ELMO1: variants seen among roughly 807,000 people sequenced by gnomAD.
ELMO1 encodes the protein engulfment and cell motility 1.
A neutral mutation model predicts 98.9 loss-of-function variants in ELMO1; 26 were observed. The observed-to-expected ratio is 0.26, with a 90% CI of 0.19 to 0.36. The LOEUF (loss-of-function observed/expected upper bound fraction) is 0.36, where lower values mean the gene tolerates loss of function less well. Among genes scored for constraint, ELMO1 ranks in the 10% least tolerant of loss-of-function variants. ELMO1 has a pLI of 1.00. For missense variants in ELMO1, 627 were observed against 935.2 expected, an observed-to-expected ratio of 0.67 and a Z score of 4.30; for synonymous variants, 346 against 346.0, an observed-to-expected ratio of 1.00 and a Z score of 0.00.
At chr7:37,102,200 C>T (rs376008402) in intron 14 of ELMO1, among the ~76,000 whole-genome samples, 15 of 152,196 alleles carry the variant, frequency 9.9e-5, no homozygotes, top group South Asian at 8.3e-4. Context: ...TATGGAGACT[C>T]GGGAGTCACT....
At chr7:37,336,020 A>G (rs914748047) in intron 2 of ELMO1, among the ~76,000 whole-genome samples, 1 of 152,116 alleles carries the variant, frequency 6.6e-6, no homozygotes, top group Non-Finnish European at 1.5e-5. Context: ...TAAGTCCAGG[A>G]GTTTGAGACC....
intron 12 of ELMO1, 42 bp from the exon 13 acceptor site, chr7:37,211,559 G>C: frequency 1.2e-6 from 2 of 1,604,364 alleles, no homozygotes; most frequent in Admixed American, 1.7e-5. Flanking sequence ...AGGGGAAAAA[G>C]CTGCTTTCAT....
intron 13 of ELMO1, among the ~76,000 whole-genome samples, chr7:37,171,091 T>G (rs1372430218): frequency 6.6e-6 from 1 of 152,226 alleles, no homozygotes; most frequent in Non-Finnish European, 1.5e-5. Context: ...TAAACTTTCT[T>G]GTACAGAAGT....
At position 36,953,777 on chromosome 7, in the gene ELMO1, T is replaced by C. The variant is rs540280087; in HGVS notation, c.1438-58760A>G. Among the ~76,000 whole-genome samples, 4 of 152,014 alleles carry C rather than the reference T, an allele frequency of 2.6e-5. No individual in the cohort carries two copies. The South Asian group carries it at 8.3e-4, about 32-fold the overall frequency. On this transcript the variant is annotated intron_variant, in intron 16 of 21. Coordinates refer to ENST00000310758, the MANE Select transcript of ELMO1 (RefSeq NM_014800.11). ...AAGGTGTATGTGTTTTGCATGTTGCTGAATGAATGAGTAGATTTCACTCTT... is the reference window on the plus strand; with the variant it reads ...AAGGTGTATGTGTTTTGCATGTTGCCGAATGAATGAGTAGATTTCACTCTT...
At chr7:36,978,653 G>T (rs773008670) in intron 16 of ELMO1, among the ~76,000 whole-genome samples, 1 of 152,152 alleles carries the variant, frequency 6.6e-6, no homozygotes, top group Non-Finnish European at 1.5e-5. Context: ...AAATGTAAAA[G>T]CCACCGATTA....
intron 1 of ELMO1, among the ~76,000 whole-genome samples, chr7:37,424,581 A>G (rs114271629): frequency 2.3e-4 from 35 of 152,344 alleles, no homozygotes; most frequent in African/African-American, 7.7e-4. Flanking sequence ...CTGGCACATT[A>G]GCAAAATGGC....
intron 14 of ELMO1, among the ~76,000 whole-genome samples, chr7:37,128,874 A>C (rs953901673): frequency 4.6e-5 from 7 of 152,128 alleles, no homozygotes; most frequent in Non-Finnish European, 1.0e-4. Context: ...TTTACAATCA[A>C]TTAGGGGAAA....
At chr7:37,174,228 C>A (rs889860168) in intron 13 of ELMO1, among the ~76,000 whole-genome samples, 1 of 152,108 alleles carries the variant, frequency 6.6e-6, no homozygotes, top group Non-Finnish European at 1.5e-5. Flanking sequence ...AGATGCCCAG[C>A]GGTCATCTCA....
chr7:37,062,071 T>G (rs917045003), intron 15 of ELMO1, among the ~76,000 whole-genome samples: 1 of 152,222 alleles, frequency 6.6e-6, no homozygotes, highest in Non-Finnish European at 1.5e-5. Context: ...TAAAGGCCAT[T>G]TGATTTGATA....
intron 1 of ELMO1, among the ~76,000 whole-genome samples, chr7:37,395,072 T>G (rs1025940813): frequency 2.0e-5 from 3 of 151,716 alleles, no homozygotes; most frequent in African/African-American, 7.3e-5. Context: ...GTTTTAAGAG[T>G]TGCTCATCCC....
intron 15 of ELMO1, among the ~76,000 whole-genome samples, chr7:37,073,276 T>A (rs573448089): frequency 6.6e-6 from 1 of 152,204 alleles, no homozygotes; most frequent in African/African-American, 2.4e-5. Context: ...TTACTGATGA[T>A]AATTTTGAGG....
At chr7:37,056,243 G>A (rs970020355) in intron 15 of ELMO1, among the ~76,000 whole-genome samples, 2 of 152,194 alleles carry the variant, frequency 1.3e-5, no homozygotes, top group South Asian at 2.1e-4. Flanking sequence ...GGGAAGAAAT[G>A]CAGTGATTAA....
intron 15 of ELMO1, among the ~76,000 whole-genome samples, chr7:37,096,134 C>T (rs1317097745): frequency 6.6e-6 from 1 of 152,158 alleles, no homozygotes; most frequent in African/African-American, 2.4e-5. Context: ...TTTTCAGCTA[C>T]CCATTTTCTT....
In ELMO1 at chr7:37,298,369, T is replaced by C. The variant is rs547546816; in HGVS notation, c.192+16481A>G. Among the ~76,000 whole-genome samples the C allele has an allele frequency of 7.2e-3, 1,075 of 148,612 alleles. 9 individuals are homozygous for C. Among genetic ancestry groups the C allele is most frequent in the Non-Finnish European group, 0.012 (791 of 67,222 alleles). On this transcript the variant is annotated intron_variant, in intron 4 of 21. Coordinates refer to ENST00000310758, the MANE Select transcript of ELMO1 (RefSeq NM_014800.11). ...GCACATTGTGCAGGTTAGTTACATATGTATACATGTGCCATGCTGGTGTGC... is the reference window on the plus strand; with the variant it reads ...GCACATTGTGCAGGTTAGTTACATACGTATACATGTGCCATGCTGGTGTGC...
At chr7:37,168,693 T>C (rs4363108) in intron 13 of ELMO1, among the ~76,000 whole-genome samples, 106,817 of 151,990 alleles carry the variant, frequency 0.7, 40,345 homozygotes, top group Non-Finnish European at 0.83. Context: ...ATCGTTCCTC[T>C]GGAAGTTTTG....
intron 10 of ELMO1, among the ~76,000 whole-genome samples, chr7:37,219,951 C>T (rs769391286): frequency 1.3e-5 from 2 of 152,220 alleles, no homozygotes; most frequent in African/African-American, 2.4e-5. Flanking sequence ...TTTTTCAGAA[C>T]ATACGCCAAT....
intron 1 of ELMO1, chr7:37,353,155 G>A (rs147757285): frequency 6.6e-6 from 1 of 152,306 alleles, no homozygotes; most frequent in East Asian, 1.9e-4. Flanking sequence ...GAGAACTTGA[G>A]ACCAACGTTT....
At chr7:36,914,821 T>G (rs1222984565) in intron 16 of ELMO1, among the ~76,000 whole-genome samples, 1 of 152,158 alleles carries the variant, frequency 6.6e-6, no homozygotes, top group Admixed American at 6.5e-5. Flanking sequence ...CGAAATGAAA[T>G]GTACATTCTT....
chr7:37,419,601 T>C (rs1057296908), intron 1 of ELMO1: 6 of 143,474 alleles, frequency 4.2e-5, no homozygotes, highest in Non-Finnish European at 7.6e-5. Context: ...TACAATTTGC[T>C]AGATGCAGAA....
Sources: allele counts gnomAD v4.1 joint callset (sites outside exome capture counted in the v4.1 genomes callset), GRCh38; gene constraint gnomAD v4.1.1; transcripts MANE v1.5; gene names NCBI Gene and HGNC (gene_info 2026-07-23, HGNC 2026-07-21).